The following SNX13 variants were observed in gnomAD, a reference collection of about 807,000 sequenced individuals.
SNX13 encodes sorting nexin 13.
A neutral mutation model predicts 133.6 loss-of-function variants in SNX13; 45 were observed. That is an observed-to-expected ratio of 0.34 (90% CI 0.27 to 0.43). The LOEUF (loss-of-function observed/expected upper bound fraction) is 0.43, where lower values mean the gene tolerates loss of function less well. Among genes scored for constraint, SNX13 ranks in the 20% least tolerant of loss-of-function variants. The pLI, the probability that SNX13 is intolerant of heterozygous loss-of-function variation, is 1.00. For missense variants in SNX13, 1,032 were observed against 1,145.1 expected (o/e 0.90, Z 1.43); for synonymous variants, 414 against 373.9 (o/e 1.11, Z -1.24).
At position 17,906,680 on chromosome 7, in the gene SNX13, G is replaced by C. The variant is rs552265537; in HGVS notation, c.13-9234C>G. ...CATTTTTTAATTATAATTTTTAACTGTAAGATCTAATTGTTATACAAGTGG... is the reference window on the plus strand; with the variant it reads ...CATTTTTTAATTATAATTTTTAACTCTAAGATCTAATTGTTATACAAGTGG... On this transcript the variant is annotated intron_variant, in intron 1 of 25. Coordinates refer to ENST00000428135, the MANE Select transcript of SNX13 (RefSeq NM_015132.5). Among the ~76,000 whole-genome samples, 276 of 152,122 alleles carry C rather than the reference G, an allele frequency of 1.8e-3. 2 individuals carry two copies. Among genetic ancestry groups the C allele is most frequent in the Non-Finnish European group, 3.5e-3 (238 of 67,986 alleles).
At chr7:17,843,060 TAAC>T (rs779191192) in intron 12 of SNX13, among the ~76,000 whole-genome samples, 10 of 151,786 alleles carry the variant, frequency 6.6e-5, no homozygotes, top group Non-Finnish European at 5.9e-5. Flanking sequence ...AGAAAACAAA[TAAC>T]AAGATGACAG....
At chr7:17,840,477 T>C (rs566026717) in intron 12 of SNX13, among the ~76,000 whole-genome samples, 5 of 152,104 alleles carry the variant, frequency 3.3e-5, no homozygotes, top group East Asian at 1.9e-4. Flanking sequence ...TATATTAAAA[T>C]GGTATAAAAA....
intron 1 of SNX13, among the ~76,000 whole-genome samples, chr7:17,937,740 A>C (rs1802279155): frequency 6.6e-6 from 1 of 152,168 alleles, no homozygotes; most frequent in Non-Finnish European, 1.5e-5. Context: ...AAGAGGACCT[A>C]AATATGATTT....
Position 17,875,550 on chromosome 7 carries a change from A to C in SNX13, c.594T>G (p.Phe198Leu), listed in dbSNP as rs1794630913. ...GTAEDLVDTF[F>L]EVEVEMEKEV... Reference sequence around the variant, plus strand: ...CCTTCTCCATTTCAACTTCAACTTCAAAGAAGGTATCTACAAGATCTTCTG... The same window carrying C: ...CCTTCTCCATTTCAACTTCAACTTCCAAGAAGGTATCTACAAGATCTTCTG... The change falls in exon 7 of 26, where the codon TTT (phenylalanine) becomes TTG (leucine). Residue 198 changes from phenylalanine to leucine, a missense_variant. Transcript: ENST00000428135. 1 of 1,611,544 alleles carries C rather than the reference A, an allele frequency of 6.2e-7. No homozygotes were observed. The highest frequency in any genetic ancestry group is 1.4e-5 in the African/African-American group (1 of 73,980).
At chr7:17,885,296 A>T (rs923055371) in intron 5 of SNX13, among the ~76,000 whole-genome samples, 5 of 105,370 alleles carry the variant, frequency 4.7e-5, no homozygotes, top group African/African-American at 2.0e-4. Flanking sequence ...ATCCATAGAG[A>T]CAAAAAAAAA....
intron 9 of SNX13, among the ~76,000 whole-genome samples, chr7:17,862,375 G>A (rs1583525228): frequency 6.6e-6 from 1 of 152,040 alleles, no homozygotes; most frequent in Non-Finnish European, 1.5e-5. Flanking sequence ...AATTTTGCAT[G>A]TAAGTTTCTA....
chr7:17,888,072 G>C (rs1796213123), intron 5 of SNX13: 2 of 152,120 alleles, frequency 1.3e-5, no homozygotes, highest in East Asian at 1.9e-4. Flanking sequence ...GGAGCCTCTA[G>C]TAAGTCATAT....
At chr7:17,873,176 G>A (rs143299527) in intron 8 of SNX13, among the ~76,000 whole-genome samples, 3 of 152,176 alleles carry the variant, frequency 2.0e-5, no homozygotes, top group East Asian at 1.9e-4. Flanking sequence ...AAGTTCCCCC[G>A]AAGCTTGGGT....
At chr7:17,889,637 G>A (rs1796411112) in intron 5 of SNX13, 2 of 151,846 alleles carry the variant, frequency 1.3e-5, no homozygotes, top group Non-Finnish European at 1.5e-5. Context: ...AAGGATGGAG[G>A]GGAAAAAAAG....
chr7:17,804,865 T>C (rs1583468998), intron 20 of SNX13, among the ~76,000 whole-genome samples: 2 of 152,160 alleles, frequency 1.3e-5, no homozygotes, highest in Admixed American at 6.5e-5. Context: ...GCAACGTTAA[T>C]AGATGGTAAG....
At chr7:17,900,186 GT>G (rs1485057777) in intron 1 of SNX13, 4 of 152,290 alleles carry the variant, frequency 2.6e-5, no homozygotes, top group African/African-American at 9.6e-5. Flanking sequence ...TCTCTGCTGA[GT>G]TGTGTGGAGC....
intron 1 of SNX13, among the ~76,000 whole-genome samples, chr7:17,903,995 A>C (rs1798123684): frequency 6.6e-6 from 1 of 152,198 alleles, no homozygotes; most frequent in Non-Finnish European, 1.5e-5. Flanking sequence ...ACTCAGGGAC[A>C]CAAAAAAACA....
intron 1 of SNX13, among the ~76,000 whole-genome samples, chr7:17,913,590 C>G (rs1007862835): frequency 6.6e-6 from 1 of 151,994 alleles, no homozygotes; most frequent in African/African-American, 2.4e-5. Flanking sequence ...GACAAAACCA[C>G]CATATGAATT....
At chr7:17,891,272 A>C (rs1486878676) in intron 4 of SNX13, among the ~76,000 whole-genome samples, 1 of 152,026 alleles carries the variant, frequency 6.6e-6, no homozygotes, top group East Asian at 1.9e-4. Flanking sequence ...AAAGAGTAAC[A>C]CTTTAACTGT....
chr7:17,830,903 A>C (rs562678358), intron 15 of SNX13: 1 of 984,424 alleles, frequency 1.0e-6, no homozygotes, highest in South Asian at 4.7e-5. Flanking sequence ...TCCTACAAGG[A>C]GGCAGCTGAT....
rs551762185 is a variant in SNX13, at chr7:17,916,976, G to C, written c.13-19530C>G. ...AAAGAAAATTCACCTCCATCAAGTG[G>C]GCTTTATTCTTGGCATGCAAGGATG... is the stretch of plus-strand genomic sequence containing the variant. On this transcript the variant is annotated intron_variant, in intron 1 of 25. Transcript: ENST00000428135. Among the ~76,000 whole-genome samples, 46 of 152,162 alleles carry C rather than the reference G, an allele frequency of 3.0e-4. 1 individual carries two copies. The South Asian group carries it at 9.5e-3, about 32-fold the overall frequency.
At position 17,791,377 on chromosome 7, in the gene SNX13, TTTG is replaced by T. The variant is rs1483064382; in HGVS notation, c.*2665_*2667del. ...ACAAACTGAAATATTCAAGAAAGTT[TTTG>T]TTTTTTTTTTTTTTAAAAAAATTAA... On this transcript the variant is annotated 3_prime_UTR_variant, in exon 26 of 26. Transcript: ENST00000428135. The T allele has an allele frequency of 1.3e-5, 2 of 151,582 alleles. No homozygotes were observed. Among genetic ancestry groups the T allele is most frequent in the Admixed American group, 6.6e-5 (1 of 15,194 alleles). The allele number at this position is 151,582 out of a possible 1,614,324, so 9.4% of individuals were successfully genotyped here. A position where few individuals can be genotyped will look rare whatever the true frequency, so the allele number is the denominator to read the frequency against.
chr7:17,791,300 C>T lies in SNX13; in HGVS notation c.*2745G>A, dbSNP rs1783511228. Reference sequence around the variant, plus strand: ...AAAATTGGTACACTTTCTGGTAGCACTTAACTGATTGATTTTTCTTCCCAA... The same window carrying T: ...AAAATTGGTACACTTTCTGGTAGCATTTAACTGATTGATTTTTCTTCCCAA... On this transcript the variant is annotated 3_prime_UTR_variant, in exon 26 of 26. Coordinates refer to ENST00000428135, the MANE Select transcript of SNX13 (RefSeq NM_015132.5). 1 of 151,392 alleles carries T rather than the reference C, an allele frequency of 6.6e-6. No homozygotes were observed. Among genetic ancestry groups the T allele is most frequent in the Non-Finnish European group, 1.5e-5 (1 of 67,774 alleles). 9.4% of individuals were successfully genotyped at this position (151,392 alleles called of 1,614,324 possible).
At chr7:17,852,475 T>C (rs1791345081) in intron 9 of SNX13, among the ~76,000 whole-genome samples, 1 of 152,114 alleles carries the variant, frequency 6.6e-6, no homozygotes, top group African/African-American at 2.4e-5. Flanking sequence ...AAATAAGGAA[T>C]CTAAGAATTG....
Sources: gnomAD v4.1 joint callset for allele counts (sites outside exome capture counted in the v4.1 genomes callset) on GRCh38, gnomAD v4.1.1 for gene constraint, MANE v1.5 for transcripts, NCBI Gene and HGNC (gene_info 2026-07-23, HGNC 2026-07-21) for gene names.